Variants in COL22A1 observed in about 807,000 individuals in gnomAD.
The protein encoded by COL22A1 is collagen alpha-1(XXII) chain.
In COL22A1, 221 loss-of-function variants were observed where a neutral mutation model predicts 248.9. The observed-to-expected ratio is 0.89, with a 90% CI of 0.80 to 0.99. The LOEUF is 0.99. Among genes scored for constraint, COL22A1 ranks in the 50% least tolerant of loss-of-function variants. The pLI, the probability that COL22A1 is intolerant of heterozygous loss-of-function variation, is 0.00. For missense variants in COL22A1, 2,240 were observed against 2,179.0 expected (o/e 1.03, Z -0.56); for synonymous variants, 891 against 793.4 (o/e 1.12, Z -2.07).
intron 10 of COL22A1, among the ~76,000 whole-genome samples, chr8:138,805,746 G>A (rs62645396): frequency 0.23 from 32,992 of 145,194 alleles, 3,885 homozygotes; most frequent in South Asian, 0.31. Context: ...ATATGTGATG[G>A]TGTGTGTGTG....
intron 9 of COL22A1, among the ~76,000 whole-genome samples, chr8:138,809,374 T>C (rs937314498): frequency 4.6e-5 from 7 of 152,212 alleles, no homozygotes; most frequent in Non-Finnish European, 1.0e-4. Context: ...AGATGCTTAA[T>C]GTCTATGGTT....
Position 138,604,743 on chromosome 8 carries a change from TG to T in COL22A1, c.4130del (p.Pro1377GlnfsTer51). The T allele has an allele frequency of 1.2e-6, 2 of 1,612,930 alleles. No individual in the cohort carries two copies. Among genetic ancestry groups the T allele is most frequent in the Non-Finnish European group, 1.7e-6 (2 of 1,179,480 alleles). On this transcript the variant is annotated frameshift_variant, in exon 59 of 65. Coordinates refer to ENST00000303045, the MANE Select transcript of COL22A1 (RefSeq NM_152888.3). LOFTEE classifies it high-confidence loss of function. Reference protein sequence around the residue: ...PPGEPGEKGVPGKEGVPGKPG... With the variant: ...PPGEPGEKGVXGKEGVPGKPG... Reference sequence around the variant, plus strand: ...GGCGTGTGATACTTGCCTCCTTGCCTGGGACTCCTTTCTCTCCTGGTTCTCC... The same window carrying T: ...GGCGTGTGATACTTGCCTCCTTGCCTGGACTCCTTTCTCTCCTGGTTCTCC...
intron 3 of COL22A1, among the ~76,000 whole-genome samples, chr8:138,870,935 G>A (rs62528814): frequency 0.16 from 24,063 of 151,752 alleles, 2,276 homozygotes; most frequent in African/African-American, 0.25. Context: ...GTTTGTGTGT[G>A]TGGGTGTGTG....
intron 22 of COL22A1, among the ~76,000 whole-genome samples, chr8:138,747,381 T>G (rs1029916283): frequency 6.6e-6 from 1 of 152,176 alleles, no homozygotes; most frequent in African/African-American, 2.4e-5. Context: ...TTTGAAAACA[T>G]GGAAAAGCTC....
At chr8:138,798,160 T>C (rs1287668263) in intron 11 of COL22A1, among the ~76,000 whole-genome samples, 1 of 151,592 alleles carries the variant, frequency 6.6e-6, no homozygotes, top group African/African-American at 2.4e-5. Context: ...ATAGGTTGTA[T>C]CTTTGAATCT....
intron 3 of COL22A1, among the ~76,000 whole-genome samples, chr8:138,854,957 G>A (rs939131314): frequency 1.3e-5 from 2 of 152,082 alleles, no homozygotes; most frequent in Non-Finnish European, 2.9e-5. Context: ...GATGATGGAG[G>A]AGGTGATGGT....
intron 31 of COL22A1, among the ~76,000 whole-genome samples, chr8:138,701,994 G>A (rs1828013709): frequency 6.6e-6 from 1 of 152,174 alleles, no homozygotes; most frequent in South Asian, 2.1e-4. Context: ...TGATCATGTG[G>A]TCTGTTCTAA....
Position 138,821,119 on chromosome 8 carries a change from G to T in COL22A1, c.1245+17C>A. The T allele has an allele frequency of 1.2e-6, 2 of 1,605,902 alleles. No homozygotes were observed. Among genetic ancestry groups the T allele is most frequent in the Non-Finnish European group, 1.7e-6 (2 of 1,173,088 alleles). On this transcript the variant is annotated intron_variant, in intron 7 of 64. Transcript: ENST00000303045. ...GTGGCCTGGAACCTGGGCTGCAGAA[G>T]GCCCCCTGGTACTCACGTCAATGGG...
rs183486538 is a variant in COL22A1, at chr8:138,884,794, G to A, written c.-72-1550C>T. ...CAGGGGAGTGAGCTCATGGGTGTCTGTGTGTATGTTTCTGTTTCTGATCTT... is the reference window on the plus strand; with the variant it reads ...CAGGGGAGTGAGCTCATGGGTGTCTATGTGTATGTTTCTGTTTCTGATCTT... On this transcript the variant is annotated intron_variant, in intron 1 of 64. Transcript: ENST00000303045. 1.9e-3 allele frequency among the ~76,000 whole-genome samples: 283 copies of A among 152,270 alleles called. 2 individuals are homozygous for A. The highest frequency in any genetic ancestry group is 6.6e-3 in the African/African-American group (273 of 41,554).
In COL22A1 at chr8:138,598,743, G is replaced by T; in HGVS notation, c.4341C>A (p.Gly1447=). 1 of 1,613,802 alleles carries T rather than the reference G, an allele frequency of 6.2e-7. No homozygotes were observed. Among genetic ancestry groups the T allele is most frequent in the East Asian group, 2.2e-5 (1 of 44,860 alleles). ...NGPVGPPGPP[G]QPGFPGLRGE... The stretch of plus-strand genomic sequence containing the variant: ...CCCTCAGTCCTGGAAATCCCGGCTG[G>T]CCTGGAGGCCCTGGGGGTCCAACTG... The change falls in exon 61 of 65, where the codon GGC becomes GGA. Residue 1447 remains glycine, a synonymous_variant. Transcript: ENST00000303045.
In COL22A1 at chr8:138,774,141, C is replaced by T. The variant is rs368710638; in HGVS notation, c.1803+1825G>A. ...ATGTGAAAGCTCTCGGAAGAGGTAACGGTAAGGGTTTTGCTTATTAAAGTT... is the reference window on the plus strand; with the variant it reads ...ATGTGAAAGCTCTCGGAAGAGGTAATGGTAAGGGTTTTGCTTATTAAAGTT... On this transcript the variant is annotated intron_variant, in intron 16 of 64. Transcript: ENST00000303045. 9.9e-5 allele frequency among the ~76,000 whole-genome samples: 15 copies of T among 151,936 alleles called. No homozygotes were observed. In the South Asian group the frequency reaches 1.9e-3, roughly 19 times the overall value.
At chr8:138,601,526 C>T (rs1051034059) in intron 60 of COL22A1, among the ~76,000 whole-genome samples, 19 of 152,174 alleles carry the variant, frequency 1.2e-4, no homozygotes, top group Non-Finnish European at 8.8e-5. Context: ...GCAAACGAGA[C>T]GCATAAAGCC....
rs374662334 is a variant in COL22A1 at position 138,626,251 on chromosome 8, A to T, written c.3664-8T>A. On this transcript the variant is annotated splice_polypyrimidine_tract_variant and splice_region_variant and intron_variant, in intron 50 of 64. Coordinates refer to ENST00000303045, the MANE Select transcript of COL22A1 (RefSeq NM_152888.3). Reference sequence around the variant, plus strand: ...AGGAGGGCCTTCTTTCCCCTAAAAGATCCAAGACATAAAAACACCATGAAA... The same window carrying T: ...AGGAGGGCCTTCTTTCCCCTAAAAGTTCCAAGACATAAAAACACCATGAAA... 5.6e-6 allele frequency: 9 copies of T among 1,607,708 alleles called. No homozygotes were observed. The African/African-American group carries it at 1.1e-4, about 19-fold the overall frequency.
intron 1 of COL22A1, among the ~76,000 whole-genome samples, chr8:138,910,236 A>T (rs1342825559): frequency 2.0e-5 from 3 of 152,232 alleles, no homozygotes; most frequent in Non-Finnish European, 4.4e-5. Context: ...AAGTGCAAAG[A>T]GATGTCGGTC....
intron 3 of COL22A1, among the ~76,000 whole-genome samples, chr8:138,867,178 T>G (rs775164289): frequency 1.3e-5 from 2 of 152,196 alleles, no homozygotes; most frequent in East Asian, 3.9e-4. Flanking sequence ...GTTGACATGG[T>G]TGTGGTCCAG....
At chr8:138,889,532 G>C (rs372438415) in intron 1 of COL22A1, among the ~76,000 whole-genome samples, 1 of 152,082 alleles carries the variant, frequency 6.6e-6, no homozygotes, top group African/African-American at 2.4e-5. Flanking sequence ...ATGGACACAG[G>C]AAGGGGAACA....
intron 32 of COL22A1, among the ~76,000 whole-genome samples, chr8:138,695,848 C>T (rs1434588139): frequency 1.3e-5 from 2 of 151,962 alleles, no homozygotes; most frequent in Admixed American, 1.3e-4. Context: ...TTTCCAAGGG[C>T]TCAAGGGCGT....
chr8:138,821,429 A>C lies in COL22A1; in HGVS notation c.970-18T>G. On this transcript the variant is annotated intron_variant, in intron 6 of 64. Coordinates refer to ENST00000303045, the MANE Select transcript of COL22A1 (RefSeq NM_152888.3). ...ATGGAGACCTGGGGAGGAAAGGACCAGAGACTCCTTGAGCTTCTTGGGGCC... is the reference window on the plus strand; with the variant it reads ...ATGGAGACCTGGGGAGGAAAGGACCCGAGACTCCTTGAGCTTCTTGGGGCC... 2.5e-6 allele frequency: 4 copies of C among 1,607,046 alleles called. No individual in the cohort carries two copies. Among genetic ancestry groups the C allele is most frequent in the Non-Finnish European group, 3.4e-6 (4 of 1,174,270 alleles).
chr8:138,670,983 A>C (rs13272110), intron 41 of COL22A1, among the ~76,000 whole-genome samples: 7,783 of 148,290 alleles, frequency 0.052, 572 homozygotes, highest in African/African-American at 0.15. Flanking sequence ...AAAAAAAAAA[A>C]AAAGCCACTG....
Sources: allele counts gnomAD v4.1 joint callset (sites outside exome capture counted in the v4.1 genomes callset), GRCh38; gene constraint gnomAD v4.1.1; transcripts MANE v1.5; gene names NCBI Gene and HGNC (gene_info 2026-07-23, HGNC 2026-07-21).